The following FOXN3 variants were observed in gnomAD, a reference collection of about 807,000 sequenced individuals.
FOXN3 encodes forkhead box N3, also known as forkhead box protein N3.
In FOXN3, 7 loss-of-function variants were observed where a neutral mutation model predicts 38.4. The ratio of observed to expected loss-of-function variants is 0.18; its 90% CI spans 0.10 to 0.34. The LOEUF (loss-of-function observed/expected upper bound fraction) is 0.34, where lower values mean the gene tolerates loss of function less well. FOXN3 is among the 10% of genes least tolerant of loss of function. The probability of loss-of-function intolerance (pLI) is 1.00; values close to 1 mark genes in which losing one functional copy is unlikely to be tolerated. For missense variants in FOXN3, 456 were observed against 613.4 expected, an observed-to-expected ratio of 0.74 and a Z score of 2.71; for synonymous variants, 230 against 242.2, an observed-to-expected ratio of 0.95 and a Z score of 0.47.
chr14:89,543,628 CTGA>C (rs1266836584), intron 1 of FOXN3, among the ~76,000 whole-genome samples: 1 of 152,112 alleles, frequency 6.6e-6, no homozygotes, highest in East Asian at 1.9e-4. Flanking sequence ...TGGCATGTGG[CTGA>C]TGTCTCCAGG....
chr14:89,425,057 C>G (rs377578072), intron 1 of FOXN3, among the ~76,000 whole-genome samples: 2,209 of 76,018 alleles, frequency 0.029, 65 homozygotes, highest in African/African-American at 0.085. Flanking sequence ...GTTTTGTTTT[C>G]TTTTCTTTTT....
In FOXN3 at chr14:89,161,597, G is replaced by GTGTGCC. The variant is rs1491128520; in HGVS notation, c.*816_*817insGGCACA. ...TGTGTGTGTGTGTGTGTGTGTGTGT[G>GTGTGCC]CGTGCGTGCACAGGGCCAATCTTCA... On this transcript the variant is annotated 3_prime_UTR_variant, in exon 6 of 6. Transcript: ENST00000557258. 18 of 90,468 alleles carry GTGTGCC rather than the reference G, an allele frequency of 2.0e-4. No individual in the cohort carries two copies. Among genetic ancestry groups the GTGTGCC allele is most frequent in the Non-Finnish European group, 4.5e-4 (15 of 33,180 alleles). The allele number at this position is 90,468 out of a possible 1,614,324, so 5.6% of individuals were successfully genotyped here.
At chr14:89,584,276 C>T (rs919482849) in intron 1 of FOXN3, among the ~76,000 whole-genome samples, 1 of 152,058 alleles carries the variant, frequency 6.6e-6, no homozygotes, top group African/African-American at 2.4e-5. Flanking sequence ...TGGTGTGTGC[C>T]TATAGCCCCA....
chr14:89,391,092 G>A (rs923525503), intron 2 of FOXN3, among the ~76,000 whole-genome samples: 14 of 152,242 alleles, frequency 9.2e-5, no homozygotes, highest in African/African-American at 3.4e-4. Context: ...GGTCTTCCGA[G>A]GCCAATTACA....
At chr14:89,206,589 GCCT>G in intron 4 of FOXN3, among the ~76,000 whole-genome samples, 1 of 152,298 alleles carries the variant, frequency 6.6e-6, no homozygotes, top group African/African-American at 2.4e-5. Context: ...CTGCAGGCCC[GCCT>G]GGCAAGCTGG....
intron 1 of FOXN3, among the ~76,000 whole-genome samples, chr14:89,416,217 C>T (rs112680806): frequency 1.2e-4 from 18 of 152,126 alleles, no homozygotes; most frequent in Non-Finnish European, 2.1e-4. Context: ...ATTGGCTGCA[C>T]CCCGCGTCAA....
In FOXN3 at chr14:89,163,627, G is replaced by C. The variant is rs1273269188; in HGVS notation, c.852-658C>G. Among the ~76,000 whole-genome samples the C allele has an allele frequency of 6.6e-6, 1 of 152,170 alleles. No individual in the cohort carries two copies. Among genetic ancestry groups the C allele is most frequent in the Non-Finnish European group, 1.5e-5 (1 of 68,038 alleles). The stretch of plus-strand genomic sequence containing the variant: ...GCAGCCTAACAGAGAGGCAAGCCAG[G>C]GTCGCATCACAGACCAGAGGGCAAT... On this transcript the variant is annotated intron_variant, in intron 5 of 5. Coordinates refer to ENST00000557258, the MANE Select transcript of FOXN3 (RefSeq NM_005197.4). The surrounding 1 kb of genome is among the most constrained non-coding windows in gnomAD (Gnocchi z 4.3).
intron 1 of FOXN3, among the ~76,000 whole-genome samples, chr14:89,454,541 T>C (rs1892682749): frequency 6.6e-6 from 1 of 152,186 alleles, no homozygotes; most frequent in South Asian, 2.1e-4. Flanking sequence ...TTCAGATTCA[T>C]TTGTAACAGA....
intron 1 of FOXN3, among the ~76,000 whole-genome samples, chr14:89,430,178 G>A (rs1304074245): frequency 6.6e-6 from 1 of 152,172 alleles, no homozygotes; most frequent in Non-Finnish European, 1.5e-5. Context: ...GCACATGTTG[G>A]ATAAATGACA....
chr14:89,264,280 C>A (rs923639353), intron 4 of FOXN3, among the ~76,000 whole-genome samples: 4 of 152,106 alleles, frequency 2.6e-5, no homozygotes, highest in African/African-American at 9.7e-5. Flanking sequence ...CAGGAGGCCT[C>A]ACAATCACAG....
intron 1 of FOXN3, among the ~76,000 whole-genome samples, chr14:89,528,191 T>A (rs901577056): frequency 1.3e-5 from 2 of 152,132 alleles, no homozygotes; most frequent in African/African-American, 4.8e-5. Context: ...TGAAAGCATA[T>A]GTCCTCCATA....
At chr14:89,463,691 T>C (rs1330169414) in intron 1 of FOXN3, among the ~76,000 whole-genome samples, 1 of 152,118 alleles carries the variant, frequency 6.6e-6, no homozygotes, top group Non-Finnish European at 1.5e-5. Flanking sequence ...CATGACATCA[T>C]TGCTTCAGGG....
At chr14:89,524,272 G>T (rs955122268) in intron 1 of FOXN3, among the ~76,000 whole-genome samples, 2 of 145,282 alleles carry the variant, frequency 1.4e-5, no homozygotes, top group Non-Finnish European at 3.0e-5. Context: ...TACTCGGGAG[G>T]CTGAGGCAGG....
intron 3 of FOXN3, chr14:89,284,335 G>A (rs1218718912): frequency 2.6e-6 from 1 of 390,084 alleles, no homozygotes; most frequent in Non-Finnish European, 5.2e-6. Context: ...TAGGGAGACA[G>A]ACAGAGGTCC....
chr14:89,293,699 G>T (rs1187337726), intron 3 of FOXN3, among the ~76,000 whole-genome samples: 2 of 152,148 alleles, frequency 1.3e-5, no homozygotes, highest in Admixed American at 1.3e-4. Flanking sequence ...GGAAGTAAGG[G>T]CACATTCTGA....
Position 89,162,714 on chromosome 14 carries a change from G to T in FOXN3, c.1107C>A (p.Ser369Arg), listed in dbSNP as rs778753018. 6.2e-6 allele frequency: 10 copies of T among 1,613,976 alleles called. No individual in the cohort carries two copies. The South Asian group carries it at 8.8e-5, about 14-fold the overall frequency. Residue 369 changes from serine to arginine, a missense_variant, in exon 6 of 6, where the codon AGC becomes AGA. Ser to Arg is a moderately radical substitution (Grantham distance 110). Coordinates refer to ENST00000557258, the MANE Select transcript of FOXN3 (RefSeq NM_005197.4). The surrounding 1 kb of genome is among the most constrained non-coding windows in gnomAD (Gnocchi z 7.2). The stretch of plus-strand genomic sequence containing the variant: ...GCTTCCTGTCGTCCTCTTCCGTGTC[G>T]CTGGGGCTCTCGTGGCTCCGGAAGC... ...EGSFRSHESP[S>R]DTEEDDRKHS... is the part of the protein sequence containing the mutation.
intron 2 of FOXN3, among the ~76,000 whole-genome samples, chr14:89,366,657 T>C (rs1463067427): frequency 6.6e-6 from 1 of 152,188 alleles, no homozygotes; most frequent in Non-Finnish European, 1.5e-5. Context: ...TCTAAGCATA[T>C]TGAATGAAGT....
chr14:89,546,565 G>A (rs571351454), intron 1 of FOXN3, among the ~76,000 whole-genome samples: 3 of 150,970 alleles, frequency 2.0e-5, no homozygotes, highest in East Asian at 3.9e-4. Flanking sequence ...TCTTGACCTC[G>A]TGATCCACCC....
Position 89,497,215 on chromosome 14 carries a change from G to A in FOXN3, c.-14-84725C>T, listed in dbSNP as rs188459598. Among the ~76,000 whole-genome samples the A allele has an allele frequency of 1.5e-4, 23 of 151,786 alleles. 1 individual carries two copies. In the East Asian group the frequency reaches 3.3e-3, roughly 22 times the overall value. On this transcript the variant is annotated intron_variant, in intron 1 of 6. Transcript: ENST00000345097. ...AGGTGATCCACCTGCCTCAGCTCCC[G>A]AAGTGCTGGGATTACAGGCGTGAGC...
Sources: gnomAD v4.1 joint callset for allele counts (sites outside exome capture counted in the v4.1 genomes callset) on GRCh38, gnomAD v4.1.1 for gene constraint, Gnocchi (gnomAD v3.1) non-coding constraint, MANE v1.5 for transcripts, NCBI Gene and HGNC (gene_info 2026-07-23, HGNC 2026-07-21) for gene names.